The following IQSEC2 variants were observed in gnomAD, a reference collection of about 807,000 sequenced individuals.
IQSEC2 encodes the protein IQ motif and SEC7 domain-containing protein 2.
In IQSEC2, 6 loss-of-function variants were observed where a neutral mutation model predicts 74.6. The observed-to-expected ratio is 0.08, with a 90% CI of 0.04 to 0.16. The LOEUF (loss-of-function observed/expected upper bound fraction) is 0.16. Ranked by LOEUF, IQSEC2 falls within the 10% of genes least tolerant of loss-of-function variation. IQSEC2 has a pLI of 1.00. For synonymous variants in IQSEC2, 494 were observed against 544.5 expected, an observed-to-expected ratio of 0.91 and a Z score of 1.29; for missense variants, 734 against 1,306.2, an observed-to-expected ratio of 0.56 and a Z score of 6.75.
At chrX:53,297,005 A>ATT (rs1405956963) in intron 1 of IQSEC2, among the ~76,000 whole-genome samples, 53 of 100,231 alleles carry the variant, frequency 5.3e-4, no homozygotes, top group African/African-American at 1.7e-3. Context: ...GGTGGTCTAC[A>ATT]TTTTTTTTTT....
intron 3 of IQSEC2, among the ~76,000 whole-genome samples, chrX:53,255,291 C>T (rs1215404291): frequency 2.7e-5 from 3 of 110,771 alleles, no homozygotes; most frequent in African/African-American, 9.9e-5. Context: ...GAGAGAAAGG[C>T]AGAGAAGGAA....
In IQSEC2 at chrX:53,234,652, C is replaced by T. The variant is rs1359566569; in HGVS notation, c.4034G>A (p.Arg1345Gln). Residue 1345 changes from arginine to glutamine, a missense_variant, in exon 15 of 15, where the codon CGG becomes CAG. Physicochemically the swap from Arg to Gln is conservative, Grantham distance 43. This residue lies in a region of IQSEC2 where 249 missense variants were observed against 467.9 expected (regional missense o/e 0.53). Coordinates refer to ENST00000642864, the MANE Select transcript of IQSEC2 (RefSeq NM_001111125.3). Reference protein sequence around the residue: ...TLGRPGRAPRRGAGGHPQFAP... With the variant: ...TLGRPGRAPRQGAGGHPQFAP... ...AAACTGAGGGTGTCCTCCAGCCCCCCGTCTGGGTGCCCTGCCTGGCCGGCC... is the reference window on the plus strand; with the variant it reads ...AAACTGAGGGTGTCCTCCAGCCCCCTGTCTGGGTGCCCTGCCTGGCCGGCC... The T allele has an allele frequency of 2.6e-6, 3 of 1,135,995 alleles. No individual in the cohort carries two copies. Among genetic ancestry groups the T allele is most frequent in the Admixed American group, 2.9e-5 (1 of 35,048 alleles). The allele number at this position is 1,135,995 out of a possible 1,213,427, so 93.6% of individuals were successfully genotyped here. A position where few individuals can be genotyped will look rare whatever the true frequency, so the allele number is the denominator to read the frequency against.
intron 10 of IQSEC2, among the ~76,000 whole-genome samples, chrX:53,239,802 C>T (rs782487687): frequency 3.6e-5 from 4 of 111,884 alleles, no homozygotes; most frequent in Admixed American, 9.5e-5. Context: ...TCTCAACAAC[C>T]CAATATCTTT....
At chrX:53,283,938 C>CA (rs1387017282) in intron 2 of IQSEC2, among the ~76,000 whole-genome samples, 1 of 111,741 alleles carries the variant, frequency 8.9e-6, no homozygotes, top group African/African-American at 3.3e-5. Context: ...ACAACCTGGA[C>CA]AAAGGACCTG....
intron 1 of IQSEC2, among the ~76,000 whole-genome samples, chrX:53,303,725 T>TG (rs781852335): frequency 1.9e-5 from 2 of 107,531 alleles, no homozygotes; most frequent in East Asian, 5.8e-4. Context: ...CGCTTGAACC[T>TG]GGGGGGCAGA....
chrX:53,261,554 A>G (rs1294003209), intron 2 of IQSEC2, among the ~76,000 whole-genome samples: 2 of 110,475 alleles, frequency 1.8e-5, no homozygotes, highest in African/African-American at 6.6e-5. Flanking sequence ...GTACAATAAC[A>G]CAGACACATG....
intron 1 of IQSEC2, 71 bp downstream of exon 1, chrX:53,320,346 A>T: frequency 1.0e-6 from 1 of 955,891 alleles, no homozygotes; most frequent in Non-Finnish European, 1.5e-6. Context: ...CTGGCTTCTT[A>T]CTCTATCAGC....
At chrX:53,311,161 A>C (rs932992741) in intron 1 of IQSEC2, among the ~76,000 whole-genome samples, 1 of 104,382 alleles carries the variant, frequency 9.6e-6, no homozygotes, top group Admixed American at 1.0e-4. Context: ...GATGCTCTGA[A>C]TGCTGGCATT....
chrX:53,284,765 G>C (rs183603597), intron 2 of IQSEC2, among the ~76,000 whole-genome samples: 1 of 112,028 alleles, frequency 8.9e-6, no homozygotes, highest in African/African-American at 3.2e-5. Context: ...CACACATGGT[G>C]GGGGGACAAT....
At chrX:53,293,770 C>T (rs188986995) in intron 1 of IQSEC2, among the ~76,000 whole-genome samples, 13 of 112,359 alleles carry the variant, frequency 1.2e-4, no homozygotes, top group African/African-American at 3.9e-4. Context: ...TTGTCCCAAT[C>T]TACCTAAGGT....
chrX:53,239,110 G>A (rs1043837110), intron 11 of IQSEC2, 85 bp downstream of exon 11: 6 of 764,277 alleles, frequency 7.9e-6, no homozygotes, highest in Middle Eastern at 3.6e-4. Context: ...AAGGGACTCC[G>A]AAAACTGGAG....
intron 1 of IQSEC2, among the ~76,000 whole-genome samples, chrX:53,318,902 C>A (rs144059763): frequency 8.9e-6 from 1 of 112,962 alleles, no homozygotes; most frequent in East Asian, 2.8e-4. Flanking sequence ...TCCAGTGTGG[C>A]GCCCCAAGGC....
At position 53,251,261 on chromosome X, in the gene IQSEC2, G is replaced by A. The variant is rs896380810; in HGVS notation, c.1402-87C>T. ...AATGGTGGAAGGTGGGAATGAGGGA[G>A]GGAGGTAAGGAAAAAGGGGGAGTCT... On this transcript the variant is annotated intron_variant, in intron 4 of 14. Transcript: ENST00000642864. 3.2e-5 allele frequency: 32 copies of A among 998,271 alleles called. No individual in the cohort carries two copies. The African/African-American group carries it at 4.8e-4, about 15-fold the overall frequency. The allele number at this position is 998,271 out of a possible 1,213,427, so 82.3% of individuals were successfully genotyped here.
intron 2 of IQSEC2, among the ~76,000 whole-genome samples, chrX:53,256,513 C>T (rs2025661): frequency 0.018 from 2,034 of 110,869 alleles, 112 homozygotes; most frequent in Admixed American, 0.16. Flanking sequence ...CCTCCCAGTC[C>T]GATTCCCAGC....
intron 12 of IQSEC2, 65 bp from the exon 13 acceptor site, chrX:53,236,560 A>G: frequency 9.2e-7 from 1 of 1,081,299 alleles, no homozygotes; most frequent in African/African-American, 1.8e-5. Context: ...CATCTGACTG[A>G]CCCTAGCCCT....
intron 1 of IQSEC2, among the ~76,000 whole-genome samples, chrX:53,301,603 G>T (rs888820960): frequency 8.9e-6 from 1 of 112,101 alleles, no homozygotes; most frequent in Non-Finnish European, 1.9e-5. Context: ...ACCAAGGAGC[G>T]GCCTAAGGGG....
chrX:53,292,684 G>A (rs1401940183), intron 1 of IQSEC2, among the ~76,000 whole-genome samples: 5 of 111,902 alleles, frequency 4.5e-5, no homozygotes, highest in Non-Finnish European at 9.4e-5. Flanking sequence ...TGAGGGAACC[G>A]GGCAATGAGT....
intron 2 of IQSEC2, among the ~76,000 whole-genome samples, chrX:53,261,698 G>A (rs781800824): frequency 2.7e-4 from 30 of 111,644 alleles, no homozygotes; most frequent in Non-Finnish European, 4.5e-4. Context: ...GCCCATGTGC[G>A]CTGTCTGCTG....
chrX:53,282,364 T>C (rs1302820558), intron 2 of IQSEC2, among the ~76,000 whole-genome samples: 19 of 113,008 alleles, frequency 1.7e-4, no homozygotes, highest in African/African-American at 6.1e-4. Flanking sequence ...GCTCCCTGCC[T>C]GCCTATTACA....
Sources: gnomAD v4.1 joint callset for allele counts (sites outside exome capture counted in the v4.1 genomes callset) on GRCh38, gnomAD v4.1.1 for gene constraint, gnomAD v4.1.1 regional missense constraint, MANE v1.5 for transcripts, NCBI Gene and HGNC (gene_info 2026-07-23, HGNC 2026-07-21) for gene names.